Variants in GIT2 observed in about 807,000 individuals in gnomAD.
GIT2 encodes the protein GIT ArfGAP 2, also known as ARF GTPase-activating protein GIT2.
Under a neutral mutation model 100.3 loss-of-function variants are expected in GIT2, and 32 were observed. That is an observed-to-expected ratio of 0.32 (90% CI 0.24 to 0.43). The LOEUF (loss-of-function observed/expected upper bound fraction) is 0.43. Among genes scored for constraint, GIT2 ranks in the 20% least tolerant of loss-of-function variants. GIT2 has a pLI of 1.00. For missense variants in GIT2, 737 were observed against 975.1 expected, an observed-to-expected ratio of 0.76 and a Z score of 3.25; for synonymous variants, 353 against 364.1, an observed-to-expected ratio of 0.97 and a Z score of 0.35.
At chr12:109,966,665 A>AAG (rs1180027762) in intron 8 of GIT2, among the ~76,000 whole-genome samples, 1 of 151,872 alleles carries the variant, frequency 6.6e-6, no homozygotes, top group Non-Finnish European at 1.5e-5. Context: ...AAAAAAAAAC[A>AAG]AAACAAAACA....
At chr12:109,973,413 T>C (rs1025741167) in intron 7 of GIT2, among the ~76,000 whole-genome samples, 7 of 152,152 alleles carry the variant, frequency 4.6e-5, no homozygotes, top group Non-Finnish European at 8.8e-5. Context: ...AGTGCTGGGA[T>C]TACAGGCATG....
In GIT2 at chr12:109,948,827, T is replaced by C; in HGVS notation, c.1393-1323A>G. The C allele has an allele frequency of 6.2e-7, 1 of 1,603,816 alleles. No homozygotes were observed. Among genetic ancestry groups the C allele is most frequent in the Non-Finnish European group, 8.5e-7 (1 of 1,173,364 alleles). On this transcript the variant is annotated intron_variant, in intron 14 of 19. Transcript: ENST00000355312. The surrounding 1 kb of genome is among the most constrained non-coding windows in gnomAD (Gnocchi z 4.3). ...AATAGTAGTTGCTCCTCTTCATTAA[T>C]TAGCATCTTTTCCAAGCAACTGTTA...
In GIT2 at chr12:109,988,991, T is replaced by C. The variant is rs757271786; in HGVS notation, c.377A>G (p.Asp126Gly). 6.2e-7 allele frequency: 1 copy of C among 1,609,994 alleles called. No homozygotes were observed. Among genetic ancestry groups the C allele is most frequent in the Non-Finnish European group, 8.5e-7 (1 of 1,176,390 alleles). ...GCTAAGATCTTTGGCAGTCACACTA[T>C]CGTCATCCCGGCAGGGCAAGCGATG... is the stretch of plus-strand genomic sequence containing the variant. Reference protein sequence around the residue: ...FVHRLPCRDDDSVTAKDLSKQ... With the variant: ...FVHRLPCRDDGSVTAKDLSKQ... Residue 126 changes from aspartate to glycine, a missense_variant, in exon 4 of 20, where the codon GAT becomes GGT. Physicochemically the swap from Asp to Gly is moderately conservative, Grantham distance 94 (BLOSUM62 -1). This residue lies in a region of GIT2 where 266 missense variants were observed against 376.2 expected (regional missense o/e 0.71). Transcript: ENST00000355312.
At chr12:109,941,803 G>T (rs1322621322) in intron 16 of GIT2, among the ~76,000 whole-genome samples, 1 of 151,460 alleles carries the variant, frequency 6.6e-6, no homozygotes, top group Non-Finnish European at 1.5e-5. Flanking sequence ...TTATAGGTGT[G>T]AGCCACCGCA....
intron 16 of GIT2, chr12:109,940,185 T>C (rs528799194): frequency 3.9e-5 from 6 of 152,322 alleles, no homozygotes; most frequent in Non-Finnish European, 7.4e-5. Flanking sequence ...TAAAAATGTT[T>C]TGAACAAATG....
intron 16 of GIT2, chr12:109,940,246 C>T (rs1592955744): frequency 6.6e-6 from 1 of 152,198 alleles, no homozygotes; most frequent in East Asian, 1.9e-4. Context: ...TTGAAGGGGA[C>T]TTTATTCCTT....
intron 7 of GIT2, among the ~76,000 whole-genome samples, chr12:109,976,971 T>A (rs1270253898): frequency 5.3e-5 from 8 of 152,226 alleles, no homozygotes; most frequent in Non-Finnish European, 1.0e-4. Context: ...CTGCCACATC[T>A]TTAACATTTC....
chr12:109,986,519 C>T (rs1409178618), intron 4 of GIT2, among the ~76,000 whole-genome samples: 1 of 152,046 alleles, frequency 6.6e-6, no homozygotes, highest in Non-Finnish European at 1.5e-5. Flanking sequence ...AATCCCAGCA[C>T]TTTGGGAGGC....
At chr12:109,985,420 G>GGC (rs1566013649) in intron 4 of GIT2, among the ~76,000 whole-genome samples, 113 of 151,424 alleles carry the variant, frequency 7.5e-4, no homozygotes, top group African/African-American at 2.6e-3. Flanking sequence ...GATTAAAAAA[G>GGC]GGGGGGGAAA....
chr12:109,998,761 G>C (rs1258889910), upstream of GIT2: 1 of 152,148 alleles, frequency 6.6e-6, no homozygotes, highest in Non-Finnish European at 1.5e-5. Context: ...CTCAACTGAG[G>C]ACGATTTTTC....
intron 7 of GIT2, among the ~76,000 whole-genome samples, chr12:109,974,038 T>A (rs1197936606): frequency 6.6e-6 from 1 of 152,004 alleles, no homozygotes; most frequent in East Asian, 1.9e-4. Flanking sequence ...CAAGACACCA[T>A]CTCAAAAAAT....
At chr12:109,936,873 A>G (rs994573338) in intron 18 of GIT2, among the ~76,000 whole-genome samples, 1 of 151,872 alleles carries the variant, frequency 6.6e-6, no homozygotes, top group Non-Finnish European at 1.5e-5. Flanking sequence ...TGTCTCAAAA[A>G]AAAAAAAAAA....
At chr12:109,964,610 TTAATC>T (rs1881854296) in intron 9 of GIT2, among the ~76,000 whole-genome samples, 1 of 135,924 alleles carries the variant, frequency 7.4e-6, no homozygotes, top group Non-Finnish European at 1.6e-5. Flanking sequence ...TCAGAGGGTG[TTAATC>T]TAAAGACACA....
intron 7 of GIT2, among the ~76,000 whole-genome samples, chr12:109,970,256 G>A (rs983954815): frequency 1.3e-5 from 2 of 152,192 alleles, no homozygotes; most frequent in Admixed American, 1.3e-4. Context: ...CACTTTGGGA[G>A]GCCGATGCGG....
chr12:109,981,317 C>A, intron 6 of GIT2: 1 of 331,712 alleles, frequency 3.0e-6, no homozygotes, highest in South Asian at 4.5e-5. Context: ...GGGAAGGATA[C>A]AGAATGACTT....
rs1216566486 is a variant in GIT2 at position 109,947,426 on chromosome 12, C to T, written c.1471G>A (p.Glu491Lys). The change falls in exon 15 of 20, where the codon GAG (glutamate) becomes AAG (lysine). Residue 491 changes from glutamate (E) to lysine (K), a missense_variant. Glu to Lys is a moderately conservative substitution (Grantham distance 56). Transcript: ENST00000355312. This position sits in a 1 kb window ranked among gnomAD's most constrained non-coding sequence, Gnocchi z 4.3. Reference sequence around the variant, plus strand: ...GAGTGGTTGGAAGTGTCTGTGTACTCAGAACCAGTTTGCACCTGATATACA... The same window carrying T: ...GAGTGGTTGGAAGTGTCTGTGTACTTAGAACCAGTTTGCACCTGATATACA... The part of the protein sequence containing the change: ...TNVYQVQTGS[E>K]YTDTSNHSSL... 2 of 1,614,034 alleles carry T rather than the reference C, an allele frequency of 1.2e-6. No homozygotes were observed. Among genetic ancestry groups the T allele is most frequent in the East Asian group, 2.2e-5 (1 of 44,886 alleles).
Position 109,988,953 on chromosome 12 carries a change from T to C in GIT2, c.405+10A>G. ...CCGCTCTTTTAGGGATTTTAAAAGGTGTGACCCACCTTGCTAAGATCTTTG... is the reference window on the plus strand; with the variant it reads ...CCGCTCTTTTAGGGATTTTAAAAGGCGTGACCCACCTTGCTAAGATCTTTG... On this transcript the variant is annotated intron_variant, in intron 4 of 19. Coordinates refer to ENST00000355312, the MANE Select transcript of GIT2 (RefSeq NM_057169.5). 1 of 1,509,236 alleles carries C rather than the reference T, an allele frequency of 6.6e-7. No individual in the cohort carries two copies. Among genetic ancestry groups the C allele is most frequent in the Non-Finnish European group, 9.2e-7 (1 of 1,085,018 alleles). 93.5% of individuals were successfully genotyped at this position (1,509,236 alleles called of 1,614,324 possible). A position where few individuals can be genotyped will look rare whatever the true frequency, so the allele number is the denominator to read the frequency against.
intron 12 of GIT2, among the ~76,000 whole-genome samples, chr12:109,955,912 G>T (rs1424778720): frequency 3.3e-5 from 5 of 149,734 alleles, no homozygotes; most frequent in Non-Finnish European, 7.4e-5. Context: ...ATGGGGCCTT[G>T]CTATGTTGTT....
rs183740490 is a variant in GIT2 at position 109,983,857 on chromosome 12, T to C, written c.406-163A>G. 2.6e-5 allele frequency: 15 copies of C among 581,258 alleles called. No individual in the cohort carries two copies. In the Admixed American group the frequency reaches 4.5e-4, roughly 18 times the overall value. The allele number at this position is 581,258 out of a possible 1,614,324, so 36.0% of individuals were successfully genotyped here. ...CAGTCTCTCCTTTGCCAGTCACAAC[T>C]GTCCCTGGGCTGTAAGGTGGAGTGA... On this transcript the variant is annotated intron_variant, in intron 4 of 19. Transcript: ENST00000355312.
Sources: allele counts gnomAD v4.1 joint callset (sites outside exome capture counted in the v4.1 genomes callset), GRCh38; gene constraint gnomAD v4.1.1; regional missense constraint gnomAD v4.1.1; non-coding constraint Gnocchi (gnomAD v3.1); transcripts MANE v1.5; gene names NCBI Gene and HGNC (gene_info 2026-07-23, HGNC 2026-07-21).